The following CRBN variants were observed in gnomAD, a reference collection of about 807,000 sequenced individuals.
The protein encoded by CRBN is cereblon.
In CRBN, 53 loss-of-function variants were observed where a neutral mutation model predicts 62.2. That is an observed-to-expected ratio of 0.85 (90% CI 0.68 to 1.07). CRBN has a LOEUF of 1.07. Ranked by LOEUF, CRBN falls within the 50% of genes least tolerant of loss-of-function variation. The pLI is 0.00. For missense variants in CRBN, 616 were observed against 531.1 expected (o/e 1.16, Z -1.57); for synonymous variants, 208 against 176.1 (o/e 1.18, Z -1.43).
chr3:3,156,709 G>T, intron 5 of CRBN: 1 of 172,268 alleles, frequency 5.8e-6, no homozygotes, highest in South Asian at 1.3e-4. Context: ...TCACTATAAG[G>T]GCAAACATTA....
At chr3:3,156,052 C>T in intron 6 of CRBN, 167 bp downstream of exon 6, 1 of 633,232 alleles carries the variant, frequency 1.6e-6, no homozygotes, top group Non-Finnish European at 2.8e-6. Flanking sequence ...AATCCCCCTG[C>T]CTTGGCCTCC....
At chr3:3,161,697 T>C (rs1575089116) in intron 5 of CRBN, among the ~76,000 whole-genome samples, 1 of 152,344 alleles carries the variant, frequency 6.6e-6, no homozygotes, top group East Asian at 1.9e-4. Context: ...TCAAAATTAT[T>C]TTTAAAACTG....
chr3:3,177,452 T>C (rs1024649541), intron 1 of CRBN, among the ~76,000 whole-genome samples: 1 of 152,212 alleles, frequency 6.6e-6, no homozygotes, highest in Non-Finnish European at 1.5e-5. Context: ...TAGCCAATGG[T>C]CTAACACTTC....
rs773105013 is a variant in CRBN, at chr3:3,151,094, A to C, written c.1149-49T>G. On this transcript the variant is annotated intron_variant, in intron 10 of 10. Coordinates refer to ENST00000231948, the MANE Select transcript of CRBN (RefSeq NM_016302.4). ...AGCTAAGGAAACATTTCTGTACTCCAAGCCTATCATATAAACCTATCATGA... is the reference window on the plus strand; with the variant it reads ...AGCTAAGGAAACATTTCTGTACTCCCAGCCTATCATATAAACCTATCATGA... 58 of 1,588,562 alleles carry C rather than the reference A, an allele frequency of 3.7e-5. 1 individual carries two copies. The African/African-American group carries it at 4.2e-4, about 11-fold the overall frequency.
Position 3,150,928 on chromosome 3 carries a change from C to CA in CRBN, c.1265dup (p.Leu423ValfsTer8), listed in dbSNP as rs1706493122. On this transcript the variant is annotated frameshift_variant, in exon 11 of 11. Coordinates refer to ENST00000231948, the MANE Select transcript of CRBN (RefSeq NM_016302.4). LOFTEE classifies it high-confidence loss of function. ...CTTCAGTGTCTGGGATCGTGGGCAA[C>CA]AGAGCAGATCGCGTTAAGCCCCAAA... 2 of 1,613,888 alleles carry CA rather than the reference C, an allele frequency of 1.2e-6. No individual in the cohort carries two copies. Among genetic ancestry groups the CA allele is most frequent in the Non-Finnish European group, 1.7e-6 (2 of 1,179,966 alleles).
At chr3:3,175,385 A>G (rs1419492917) in intron 1 of CRBN, 116 bp from the exon 2 acceptor site, 3 of 763,510 alleles carry the variant, frequency 3.9e-6, no homozygotes, top group Non-Finnish European at 6.7e-6. Context: ...GGTAAACTCT[A>G]CAGCACCGTG....
At position 3,153,976 on chromosome 3, in the gene CRBN, A is replaced by G. The variant is rs1486993846; in HGVS notation, c.935T>C (p.Leu312Ser). 6.2e-7 allele frequency: 1 copy of G among 1,602,062 alleles called. No homozygotes were observed. The highest frequency in any genetic ancestry group is 8.6e-7 in the Non-Finnish European group (1 of 1,168,970). The change falls in exon 8 of 11, where the codon TTA becomes TCA. Residue 312 changes from leucine (L) to serine (S), a missense_variant. Transcript: ENST00000231948. ...GSAIQRLRCE[L>S]DIMNKCTSLC... ...TTTACTCACTTTATTCATAATGTCT[A>G]ATTCACAGCGAAGTCGCTGGATAGC...
chr3:3,167,945 A>G lies in CRBN; in HGVS notation c.528-152T>C. The G allele has an allele frequency of 2.0e-5, 14 of 698,728 alleles. No homozygotes were observed. In the South Asian group the frequency reaches 2.4e-4, roughly 12 times the overall value. The allele number at this position is 698,728 out of a possible 1,614,324, so 43.3% of individuals were successfully genotyped here. A position where few individuals can be genotyped will look rare whatever the true frequency, so the allele number is the denominator to read the frequency against. On this transcript the variant is annotated intron_variant, in intron 4 of 10. Coordinates refer to ENST00000231948, the MANE Select transcript of CRBN (RefSeq NM_016302.4). ...CAAATACTGATGTTAAGATACAGAA[A>G]CTTTCAGAAAATAATTTTATTTCAT...
Position 3,150,739 on chromosome 3 carries a change from GTAATGTTATGTTTACTTAGGTAT to G in CRBN, c.*103_*125del, listed in dbSNP as rs1406867389. ...TCACTTAGAAACTGCAACCCTCCAAGTAATGTTATGTTTACTTAGGTATTAATGTTATGTTTACTTAGGTATGT... is the reference window on the plus strand; with the variant it reads ...TCACTTAGAAACTGCAACCCTCCAAGTAATGTTATGTTTACTTAGGTATGT... On this transcript the variant is annotated 3_prime_UTR_variant, in exon 11 of 11. Transcript: ENST00000231948. 266 of 937,782 alleles carry G rather than the reference GTAATGTTATGTTTACTTAGGTAT, an allele frequency of 2.8e-4. 1 individual carries two copies. Among genetic ancestry groups the G allele is most frequent in the South Asian group, 1.5e-3 (92 of 61,152 alleles). 58.1% of individuals were successfully genotyped at this position (937,782 alleles called of 1,614,324 possible).
chr3:3,165,668 T>C (rs1707299886), intron 5 of CRBN, among the ~76,000 whole-genome samples: 1 of 152,208 alleles, frequency 6.6e-6, no homozygotes, highest in Admixed American at 6.5e-5. Flanking sequence ...AAAACTTTTA[T>C]ATGCAGTGGG....
At chr3:3,157,654 A>T (rs1254157734) in intron 5 of CRBN, among the ~76,000 whole-genome samples, 2 of 152,150 alleles carry the variant, frequency 1.3e-5, no homozygotes, top group African/African-American at 4.8e-5. Context: ...CACACATAAA[A>T]GGGACTCGGG....
chr3:3,179,657 C>T lies in CRBN; in HGVS notation c.31G>A (p.Ala11Thr), dbSNP rs749799282. The change falls in exon 1 of 11, where the codon GCG (alanine) becomes ACG (threonine). Residue 11 changes from alanine to threonine, a missense_variant. Transcript: ENST00000231948. MAGEGDQQDAAHNMGNHLPLL... is the reference protein window; with the variant it reads MAGEGDQQDATHNMGNHLPLL... The stretch of plus-strand genomic sequence containing the variant: ...GGCAGGTGGTTGCCCATGTTGTGCG[C>T]AGCGTCCTGCTGATCTCCTTCGCCG... 18 of 1,613,050 alleles carry T rather than the reference C, an allele frequency of 1.1e-5. No homozygotes were observed. Among genetic ancestry groups the T allele is most frequent in the East Asian group, 6.7e-5 (3 of 44,870 alleles).
At chr3:3,153,581 G>GAT (rs1706733614) in intron 8 of CRBN, 93 bp from the exon 9 acceptor site, 1 of 789,020 alleles carries the variant, frequency 1.3e-6, no homozygotes, top group Non-Finnish European at 2.3e-6. Context: ...TACTTATAAA[G>GAT]ATATTGCTCT....
chr3:3,155,120 T>C (rs752074654), intron 6 of CRBN: 1 of 420,142 alleles, frequency 2.4e-6, no homozygotes. Context: ...GGAACTGGCC[T>C]CTCTTCTGCC....
chr3:3,151,785 A>G (rs185011231), intron 10 of CRBN, among the ~76,000 whole-genome samples: 5 of 151,906 alleles, frequency 3.3e-5, no homozygotes, highest in African/African-American at 1.2e-4. Flanking sequence ...AGCTGAGGGA[A>G]CTGAACAGGT....
At chr3:3,172,417 C>A in intron 4 of CRBN, 1 of 291,542 alleles carries the variant, frequency 3.4e-6, no homozygotes. Context: ...CTCCGAGAGG[C>A]CTTCAATCCT....
At chr3:3,158,088 G>A (rs980434280) in intron 5 of CRBN, among the ~76,000 whole-genome samples, 1 of 152,118 alleles carries the variant, frequency 6.6e-6, no homozygotes, top group South Asian at 2.1e-4. Flanking sequence ...CAACCTTTTC[G>A]ACACCAGGGA....
At chr3:3,173,093 C>T (rs965697584) in intron 3 of CRBN, among the ~76,000 whole-genome samples, 168 bp from the exon 4 acceptor site, 4 of 152,004 alleles carry the variant, frequency 2.6e-5, no homozygotes, top group African/African-American at 9.7e-5. Flanking sequence ...AGTCTCGCTG[C>T]GTTGCCCAGA....
At chr3:3,174,759 A>G (rs1707762427) in intron 2 of CRBN, among the ~76,000 whole-genome samples, 1 of 152,354 alleles carries the variant, frequency 6.6e-6, no homozygotes. Context: ...AAGAATTTCT[A>G]ATCTTTTATG....
Sources: gnomAD v4.1 joint callset for allele counts (sites outside exome capture counted in the v4.1 genomes callset) on GRCh38, gnomAD v4.1.1 for gene constraint, MANE v1.5 for transcripts, NCBI Gene and HGNC (gene_info 2026-07-23, HGNC 2026-07-21) for gene names.